ADAM12: variants seen among roughly 807,000 people sequenced by gnomAD.
ADAM12 encodes ADAM metallopeptidase domain 12, also known as disintegrin and metalloproteinase domain-containing protein 12.
In ADAM12, 70 loss-of-function variants were observed where a neutral mutation model predicts 106.4. The ratio of observed to expected loss-of-function variants is 0.66; its 90% CI spans 0.54 to 0.80. The LOEUF is 0.80. ADAM12 is among the 30% of genes least tolerant of loss of function. The pLI is 0.00. For synonymous variants in ADAM12, 420 were observed against 433.5 expected, an observed-to-expected ratio of 0.97 and a Z score of 0.39; for missense variants, 1,010 against 1,171.9, an observed-to-expected ratio of 0.86 and a Z score of 2.02.
intron 2 of ADAM12, among the ~76,000 whole-genome samples, chr10:126,313,769 A>T (rs17154713): frequency 6.6e-6 from 1 of 152,030 alleles, no homozygotes; most frequent in Non-Finnish European, 1.5e-5. Flanking sequence ...AATAAAAAAG[A>T]TAAGTCTCTC....
intron 6 of ADAM12, among the ~76,000 whole-genome samples, chr10:126,113,944 A>G (rs1955932707): frequency 6.6e-6 from 1 of 151,846 alleles, no homozygotes; most frequent in Non-Finnish European, 1.5e-5. Flanking sequence ...CAAAGTGTCC[A>G]TCGCCAGCAA....
chr10:126,067,268 G>A (rs905919251), intron 12 of ADAM12, among the ~76,000 whole-genome samples: 1 of 152,242 alleles, frequency 6.6e-6, no homozygotes, highest in Non-Finnish European at 1.5e-5. Context: ...AGGAAATGAA[G>A]TCAAACCAGT....
chr10:126,201,898 G>T (rs914781114), intron 3 of ADAM12, among the ~76,000 whole-genome samples: 1 of 152,208 alleles, frequency 6.6e-6, no homozygotes, highest in Admixed American at 6.5e-5. Flanking sequence ...AGAGAGGCCT[G>T]CCCCAGAGAG....
At chr10:126,265,058 TTACAGAG>T (rs1263861900) in intron 3 of ADAM12, among the ~76,000 whole-genome samples, 1 of 152,186 alleles carries the variant, frequency 6.6e-6, no homozygotes, top group Non-Finnish European at 1.5e-5. Context: ...CAAGAAGTGT[TTACAGAG>T]TATAAGAAGC....
chr10:126,320,022 G>A (rs1233978078), intron 2 of ADAM12, among the ~76,000 whole-genome samples: 2 of 152,148 alleles, frequency 1.3e-5, no homozygotes, highest in African/African-American at 2.4e-5. Context: ...CAACGGGGAT[G>A]AGCAAAATTG....
At chr10:126,263,613 G>A (rs997900355) in intron 3 of ADAM12, among the ~76,000 whole-genome samples, 6 of 152,120 alleles carry the variant, frequency 3.9e-5, no homozygotes, top group East Asian at 1.9e-4. Context: ...GTTGGTGGGC[G>A]GGGAGGGGGG....
chr10:126,214,859 C>G (rs185183459), intron 3 of ADAM12, among the ~76,000 whole-genome samples: 3 of 152,224 alleles, frequency 2.0e-5, no homozygotes, highest in Non-Finnish European at 4.4e-5. Context: ...CCACCTCTCA[C>G]GCCCGCTGGC....
At chr10:126,164,871 A>T (rs1197432696) in intron 3 of ADAM12, among the ~76,000 whole-genome samples, 1 of 152,246 alleles carries the variant, frequency 6.6e-6, no homozygotes, top group Non-Finnish European at 1.5e-5. Context: ...TAAAACCAGT[A>T]TACTGAGGTA....
intron 1 of ADAM12, among the ~76,000 whole-genome samples, chr10:126,332,671 A>AC (rs1854562837): frequency 6.6e-6 from 1 of 152,208 alleles, no homozygotes. Flanking sequence ...CTCCAGCTGC[A>AC]CATATAGCCA....
In ADAM12 at chr10:126,060,771, A is replaced by G. The variant is rs140340291; in HGVS notation, c.1609+4035T>C. On this transcript the variant is annotated intron_variant, in intron 14 of 22. Transcript: ENST00000448723. ...GCCTCCCGGGAGGATATTGTGAAGG[A>G]TTCACATCCGCCCTCCCCTCCAGAT... Among the ~76,000 whole-genome samples the G allele has an allele frequency of 7.2e-4, 110 of 152,302 alleles. 1 individual carries two copies. The South Asian group carries it at 0.013, about 18-fold the overall frequency.
In ADAM12 at chr10:126,350,936, C is replaced by T. The variant is rs1480557203; in HGVS notation, c.89-20427G>A. Reference sequence around the variant, plus strand: ...GCCGACCCCCGGAGCCCTGCCCCTTCCCCTGTCCAGGCTCTCCTGCATGGC... The same window carrying T: ...GCCGACCCCCGGAGCCCTGCCCCTTTCCCTGTCCAGGCTCTCCTGCATGGC... On this transcript the variant is annotated intron_variant, in intron 1 of 22. Coordinates refer to ENST00000448723, the MANE Select transcript of ADAM12 (RefSeq NM_001288973.2). 2.6e-5 allele frequency among the ~76,000 whole-genome samples: 4 copies of T among 152,296 alleles called. No homozygotes were observed. In the East Asian group the frequency reaches 7.7e-4, roughly 29 times the overall value.
intron 2 of ADAM12, among the ~76,000 whole-genome samples, chr10:126,314,872 G>C (rs140385693): frequency 6.6e-6 from 1 of 152,104 alleles, no homozygotes; most frequent in Non-Finnish European, 1.5e-5. Context: ...GCAGAGCCTC[G>C]TTCAAAACCC....
intron 11 of ADAM12, among the ~76,000 whole-genome samples, chr10:126,074,235 GT>G (rs1301948684): frequency 6.6e-6 from 1 of 152,166 alleles, no homozygotes; most frequent in Admixed American, 6.5e-5. Flanking sequence ...CTCAGGAAGG[GT>G]TTATAGCCAG....
intron 2 of ADAM12, among the ~76,000 whole-genome samples, chr10:126,294,079 T>G (rs1242106177): frequency 1.3e-5 from 2 of 152,158 alleles, no homozygotes; most frequent in Non-Finnish European, 2.9e-5. Flanking sequence ...AATCAATGTG[T>G]TTTTGGATCA....
In ADAM12 at chr10:126,036,214, G is replaced by T. The variant is rs137945394; in HGVS notation, c.2461C>A (p.Arg821=). 1,108 of 1,551,266 alleles carry T rather than the reference G, an allele frequency of 7.1e-4. 4 individuals carry two copies. The Middle Eastern group carries it at 0.01, about 14-fold the overall frequency. The change falls in exon 21 of 23, where the codon CGG becomes AGG. Residue 821 remains arginine (R), a synonymous_variant. Transcript: ENST00000448723. ...GGGACGCTAGGTGCACGTGGAGCCC[G>T]GTGGAGGGGAGGAAGCACTCGCTGA... is the stretch of plus-strand genomic sequence containing the variant. ...STQRVLPPLH[R]APRAPSVPAR...
chr10:126,080,580 C>T (rs1279988284), intron 11 of ADAM12, among the ~76,000 whole-genome samples: 4 of 152,266 alleles, frequency 2.6e-5, no homozygotes, highest in Non-Finnish European at 4.4e-5. Context: ...TCTCCAAAGC[C>T]GTGGCAGGGT....
intron 1 of ADAM12, among the ~76,000 whole-genome samples, chr10:126,367,662 AG>A (rs1333994719): frequency 2.6e-5 from 4 of 152,048 alleles, no homozygotes; most frequent in Admixed American, 2.6e-4. Context: ...GAAAAAAATG[AG>A]AAAAAAATCA....
At chr10:126,288,583 G>T (rs1959989854) in intron 2 of ADAM12, among the ~76,000 whole-genome samples, 1 of 152,092 alleles carries the variant, frequency 6.6e-6, no homozygotes, top group Admixed American at 6.6e-5. Flanking sequence ...ACTGTGTGGT[G>T]ATGTGGTGGC....
intron 4 of ADAM12, among the ~76,000 whole-genome samples, chr10:126,150,684 G>A (rs1184580633): frequency 6.6e-6 from 1 of 152,032 alleles, no homozygotes; most frequent in Non-Finnish European, 1.5e-5. Context: ...TAACTACAAT[G>A]GGCCCATAAG....
Sources: allele counts gnomAD v4.1 joint callset (sites outside exome capture counted in the v4.1 genomes callset), GRCh38; gene constraint gnomAD v4.1.1; transcripts MANE v1.5; gene names NCBI Gene and HGNC (gene_info 2026-07-23, HGNC 2026-07-21).